Variants in GYS2 observed in about 807,000 individuals in gnomAD.
The protein encoded by GYS2 is glycogen [starch] synthase, liver.
Under a neutral mutation model 85.6 loss-of-function variants are expected in GYS2, and 80 were observed. That is an observed-to-expected ratio of 0.93 (90% CI 0.78 to 1.13). The LOEUF is 1.13. Ranked by LOEUF, GYS2 falls within the 50% of genes most tolerant of loss-of-function variation. GYS2 has a pLI of 0.00. For synonymous variants in GYS2, 328 were observed against 300.7 expected (o/e 1.09, Z -0.94); for missense variants, 881 against 854.9 (o/e 1.03, Z -0.38).
intron 2 of GYS2, among the ~76,000 whole-genome samples, chr12:21,576,648 C>G (rs191822839): frequency 1.3e-5 from 2 of 152,240 alleles, no homozygotes; most frequent in African/African-American, 2.4e-5. Flanking sequence ...AATCTAGTAA[C>G]TCAAAGTATA....
chr12:21,599,209 A>G (rs906662723), intron 1 of GYS2, among the ~76,000 whole-genome samples: 6 of 152,118 alleles, frequency 3.9e-5, no homozygotes, highest in African/African-American at 1.4e-4. Flanking sequence ...TGGAAGTCAT[A>G]TGACTATTTC....
At chr12:21,595,597 T>C (rs1006229021) in intron 1 of GYS2, among the ~76,000 whole-genome samples, 2 of 151,440 alleles carry the variant, frequency 1.3e-5, no homozygotes, top group African/African-American at 2.4e-5. Context: ...ATGGCCTAAA[T>C]GCTCCACTTA....
At chr12:21,586,202 A>C (rs1479240405) in intron 1 of GYS2, among the ~76,000 whole-genome samples, 1 of 138,756 alleles carries the variant, frequency 7.2e-6, no homozygotes, top group East Asian at 1.9e-4. Flanking sequence ...AGCAGGCAGA[A>C]AAAAAACATG....
At chr12:21,563,123 G>A (rs1591792562) in intron 6 of GYS2, 85 bp from the exon 7 acceptor site, 1 of 1,166,288 alleles carries the variant, frequency 8.6e-7, no homozygotes, top group Non-Finnish European at 1.3e-6. Context: ...AATGTACAAA[G>A]GGGGCTGGGA....
chr12:21,597,193 A>G (rs998777688), intron 1 of GYS2, among the ~76,000 whole-genome samples: 1 of 152,150 alleles, frequency 6.6e-6, no homozygotes, highest in African/African-American at 2.4e-5. Context: ...CAACAAAAGC[A>G]AAAATAGACA....
chr12:21,539,157 G>C (rs1260682016), intron 15 of GYS2, 101 bp downstream of exon 15: 6 of 734,234 alleles, frequency 8.2e-6, no homozygotes, highest in Non-Finnish European at 1.4e-5. Flanking sequence ...TTATGAAAAA[G>C]TATCATAGCT....
chr12:21,548,251 T>C (rs1415129278), intron 11 of GYS2, among the ~76,000 whole-genome samples: 2 of 152,196 alleles, frequency 1.3e-5, no homozygotes, highest in Non-Finnish European at 2.9e-5. Flanking sequence ...AGGTTACAGA[T>C]CCAGAAATCA....
chr12:21,559,945 T>C (rs1443365266), intron 8 of GYS2, among the ~76,000 whole-genome samples: 2 of 152,290 alleles, frequency 1.3e-5, no homozygotes, highest in African/African-American at 4.8e-5. Context: ...TAAAATTTTT[T>C]TGCTTCATGA....
intron 14 of GYS2, 132 bp downstream of exon 14, chr12:21,540,278 A>G: frequency 4.7e-6 from 4 of 846,310 alleles, no homozygotes; most frequent in Admixed American, 2.2e-5. Context: ...AATTTTAAAA[A>G]GTACATGGAG....
chr12:21,568,492 C>T (rs948993261), intron 5 of GYS2, among the ~76,000 whole-genome samples: 5 of 152,192 alleles, frequency 3.3e-5, no homozygotes, highest in African/African-American at 1.2e-4. Context: ...GGCAATATTA[C>T]AAGATGTAGG....
At chr12:21,564,296 T>C (rs934584846) in intron 5 of GYS2, among the ~76,000 whole-genome samples, 9 of 152,204 alleles carry the variant, frequency 5.9e-5, no homozygotes, top group Admixed American at 3.9e-4. Context: ...TCAGGCATGG[T>C]GGTGTGCGCC....
At chr12:21,559,062 G>A (rs368299435) in intron 10 of GYS2, 29 bp downstream of exon 10, 1 of 1,221,168 alleles carries the variant, frequency 8.2e-7, no homozygotes, top group Non-Finnish European at 1.2e-6. Flanking sequence ...ATAACTATGG[G>A]ACATAGTGGG....
At chr12:21,560,640 C>G (rs571913580) in intron 7 of GYS2, 148 bp from the exon 8 acceptor site, 1 of 616,146 alleles carries the variant, frequency 1.6e-6, no homozygotes, top group African/African-American at 1.9e-5. Flanking sequence ...ATTATATTCA[C>G]CTTCCTGAGA....
rs555942056 is a variant in GYS2, at chr12:21,589,078, A to G, written c.122-8555T>C. ...AAGTTTCTGATGGTACACATTTATT[A>G]GATGTTTTATTTACATTTTTTATCC... On this transcript the variant is annotated intron_variant, in intron 1 of 15. Coordinates refer to ENST00000261195, the MANE Select transcript of GYS2 (RefSeq NM_021957.4). Among the ~76,000 whole-genome samples, 17 of 152,328 alleles carry G rather than the reference A, an allele frequency of 1.1e-4. No homozygotes were observed. In the East Asian group the frequency reaches 3.1e-3, roughly 28 times the overall value.
intron 12 of GYS2, among the ~76,000 whole-genome samples, chr12:21,543,970 C>T (rs1244238225): frequency 6.6e-6 from 1 of 152,034 alleles, no homozygotes; most frequent in African/African-American, 2.4e-5. Flanking sequence ...TATTAAATGG[C>T]CATCAATTCA....
Position 21,559,136 on chromosome 12 carries a change from A to G in GYS2, c.1263T>C (p.Asp421=). 1.2e-6 allele frequency: 2 copies of G among 1,609,842 alleles called. No homozygotes were observed. The highest frequency in any genetic ancestry group is 1.7e-6 in the Non-Finnish European group (2 of 1,176,846). ...TTTTCATAATTGTTAGATCATCTCG[A>G]TCTAAAATATCGTTCAGGTCAGGAA... The part of the protein sequence containing the change: ...GEIPDLNDIL[D]RDDLTIMKRA... The change falls in exon 10 of 16, where the codon GAT becomes GAC. Residue 421 remains aspartate, a synonymous_variant. Coordinates refer to ENST00000261195, the MANE Select transcript of GYS2 (RefSeq NM_021957.4).
intron 11 of GYS2, 135 bp downstream of exon 11, chr12:21,558,065 A>C: frequency 1.5e-6 from 1 of 683,734 alleles, no homozygotes; most frequent in South Asian, 1.7e-5. Context: ...CCAAGACAAG[A>C]AACTGAACCC....
intron 10 of GYS2, 93 bp from the exon 11 acceptor site, chr12:21,558,406 T>C (rs1944209651): frequency 1.3e-6 from 1 of 766,938 alleles, no homozygotes; most frequent in Non-Finnish European, 2.3e-6. Flanking sequence ...TCATCCAACC[T>C]TCACACCTTC....
intron 1 of GYS2, among the ~76,000 whole-genome samples, chr12:21,601,538 C>T (rs114718094): frequency 9.5e-4 from 145 of 152,260 alleles, no homozygotes; most frequent in African/African-American, 3.4e-3. Flanking sequence ...TCACATAGAA[C>T]GCTTTCTCCC....
Sources: gnomAD v4.1 joint callset for allele counts (sites outside exome capture counted in the v4.1 genomes callset) on GRCh38, gnomAD v4.1.1 for gene constraint, MANE v1.5 for transcripts, NCBI Gene and HGNC (gene_info 2026-07-23, HGNC 2026-07-21) for gene names.